Variants in ASAP1 observed in about 807,000 individuals in gnomAD.
ASAP1 encodes arf-GAP with SH3 domain, ANK repeat and PH domain-containing protein 1.
Under a neutral mutation model 145.2 loss-of-function variants are expected in ASAP1, and 43 were observed. The ratio of observed to expected loss-of-function variants is 0.30; its 90% CI spans 0.23 to 0.38. The LOEUF (loss-of-function observed/expected upper bound fraction) is 0.38, where lower values mean the gene tolerates loss of function less well. ASAP1 is among the 10% of genes least tolerant of loss of function. ASAP1 has a pLI of 1.00. For missense variants in ASAP1, 1,018 were observed against 1,355.3 expected (o/e 0.75, Z 3.91); for synonymous variants, 546 against 515.5 (o/e 1.06, Z -0.80).
intron 8 of ASAP1, 40 bp from the exon 9 acceptor site, chr8:130,179,389 G>T: frequency 7.8e-7 from 1 of 1,288,240 alleles, no homozygotes; most frequent in Non-Finnish European, 1.1e-6. Context: ...ATTAATTCCA[G>T]ATGGGGCTCT....
At position 130,145,508 on chromosome 8, in the gene ASAP1, G is replaced by A. The variant is rs141895226; in HGVS notation, c.1080+7228C>T. 6.7e-4 allele frequency among the ~76,000 whole-genome samples: 102 copies of A among 152,120 alleles called. 1 individual carries two copies. Among genetic ancestry groups the A allele is most frequent in the African/African-American group, 2.3e-3 (94 of 41,490 alleles). ...ACTTTTCTGTATTTTTAGTAGAGAC[G>A]GGGTTTCACCATGTTGGCCAGGCTG... On this transcript the variant is annotated intron_variant, in intron 13 of 29. Coordinates refer to ENST00000518721, the MANE Select transcript of ASAP1 (RefSeq NM_018482.4).
At chr8:130,100,893 C>G (rs1214895251) in intron 24 of ASAP1, among the ~76,000 whole-genome samples, 2 of 152,282 alleles carry the variant, frequency 1.3e-5, no homozygotes, top group South Asian at 4.1e-4. Flanking sequence ...ATGTGCTACA[C>G]ATACAATTTT....
At chr8:130,442,792 AC>A (rs1830530504) in intron 1 of ASAP1, among the ~76,000 whole-genome samples, 1 of 152,066 alleles carries the variant, frequency 6.6e-6, no homozygotes, top group South Asian at 2.1e-4. Context: ...ACCGCAGAAA[AC>A]CGGACACCGG....
intron 1 of ASAP1, among the ~76,000 whole-genome samples, chr8:130,433,369 C>A (rs1206223039): frequency 6.6e-6 from 1 of 152,228 alleles, no homozygotes; most frequent in African/African-American, 2.4e-5. Flanking sequence ...TCTCTCCTCA[C>A]TTAGGGAAAT....
intron 3 of ASAP1, among the ~76,000 whole-genome samples, chr8:130,276,760 T>TCTCTCTCTCTCCCC (rs1333515760): frequency 7.7e-6 from 1 of 130,326 alleles, no homozygotes; most frequent in Non-Finnish European, 1.6e-5. Context: ...TCTCTCTCTC[T>TCTCTCTCTCTCCCC]CCTCTAACAA....
At chr8:130,098,504 C>A (rs80255221) in intron 24 of ASAP1, among the ~76,000 whole-genome samples, 1 of 151,972 alleles carries the variant, frequency 6.6e-6, no homozygotes, top group Non-Finnish European at 1.5e-5. Context: ...CCACCACGCC[C>A]GGCTAATTTT....
chr8:130,397,506 T>C (rs72724497), intron 2 of ASAP1, among the ~76,000 whole-genome samples: 13,011 of 152,292 alleles, frequency 0.085, 623 homozygotes, highest in African/African-American at 0.14. Context: ...TCTGCTCCTG[T>C]GATTCCCTTG....
intron 1 of ASAP1, among the ~76,000 whole-genome samples, chr8:130,434,010 GC>G (rs1830223432): frequency 6.6e-6 from 1 of 152,148 alleles, no homozygotes. Context: ...AGATCGCCTT[GC>G]TTAAAATCTT....
chr8:130,272,347 A>G (rs1396257235), intron 3 of ASAP1, among the ~76,000 whole-genome samples: 6 of 152,268 alleles, frequency 3.9e-5, no homozygotes, highest in South Asian at 2.1e-4. Context: ...CAAAACCCCT[A>G]TGTTGGCGAG....
intron 25 of ASAP1, among the ~76,000 whole-genome samples, chr8:130,088,100 T>A (rs2097497610): frequency 6.6e-6 from 1 of 152,210 alleles, no homozygotes; most frequent in Non-Finnish European, 1.5e-5. Flanking sequence ...AGGGTCTTTG[T>A]AAATATAATT....
chr8:130,080,476 CTCTTTT>C (rs1564936195), intron 25 of ASAP1, among the ~76,000 whole-genome samples: 6 of 138,696 alleles, frequency 4.3e-5, no homozygotes, highest in Admixed American at 1.4e-4. Flanking sequence ...TTCATTCTCT[CTCTTTT>C]TTTTTTTTTT....
chr8:130,218,886 T>A (rs1817105741), intron 4 of ASAP1, among the ~76,000 whole-genome samples: 1 of 152,102 alleles, frequency 6.6e-6, no homozygotes. Flanking sequence ...TATGTATGTG[T>A]GTATATACTG....
chr8:130,120,525 C>T (rs2097564129), intron 18 of ASAP1, among the ~76,000 whole-genome samples: 2 of 152,192 alleles, frequency 1.3e-5, no homozygotes, highest in Admixed American at 6.5e-5. Flanking sequence ...AAGCTTCCTT[C>T]CCATTATTAT....
intron 1 of ASAP1, among the ~76,000 whole-genome samples, chr8:130,430,382 A>T (rs1192910375): frequency 6.6e-6 from 1 of 152,162 alleles, no homozygotes; most frequent in East Asian, 1.9e-4. Flanking sequence ...ATCCCTCAGT[A>T]AGGCAAGTTA....
At position 130,092,089 on chromosome 8, in the gene ASAP1, C is replaced by T; in HGVS notation, c.2456G>A (p.Ser819Asn). The T allele has an allele frequency of 6.4e-7, 1 of 1,570,980 alleles. No homozygotes were observed. Among genetic ancestry groups the T allele is most frequent in the African/African-American group, 1.4e-5 (1 of 71,228 alleles). ...AGGCCTCTTCTTGGATAGGGTGGAG[C>T]TGCCACTAGAGGTCTGGGTGCTTAG... ...LPLSTQTSSG[S>N]STLSKKRPPP... Residue 819 changes from serine to asparagine, a missense_variant, in exon 25 of 30, where the codon AGC becomes AAC. This residue lies in a region of ASAP1 where 353 missense variants were observed against 375.4 expected (regional missense o/e 0.94). Transcript: ENST00000518721.
chr8:130,097,816 C>T (rs1005816978), intron 24 of ASAP1, among the ~76,000 whole-genome samples: 3 of 152,152 alleles, frequency 2.0e-5, no homozygotes, highest in East Asian at 1.9e-4. Context: ...TATGGGAAAT[C>T]GATATATTCT....
chr8:130,299,293 A>T (rs1822478112), intron 3 of ASAP1, among the ~76,000 whole-genome samples: 1 of 152,102 alleles, frequency 6.6e-6, no homozygotes, highest in Non-Finnish European at 1.5e-5. Context: ...TGAAAAAAAC[A>T]GTTACTTATG....
intron 3 of ASAP1, among the ~76,000 whole-genome samples, chr8:130,276,760 T>TCCCC (rs1554867226): frequency 1.1e-4 from 14 of 130,326 alleles, no homozygotes; most frequent in Non-Finnish European, 1.5e-4. Flanking sequence ...TCTCTCTCTC[T>TCCCC]CCTCTAACAA....
intron 27 of ASAP1, among the ~76,000 whole-genome samples, chr8:130,073,334 G>A (rs571042168): frequency 8.4e-4 from 127 of 151,418 alleles, no homozygotes; most frequent in Non-Finnish European, 1.5e-3. Flanking sequence ...AGGTTGCGGG[G>A]AGCTGAGATC....
Sources: gnomAD v4.1 joint callset for allele counts (sites outside exome capture counted in the v4.1 genomes callset) on GRCh38, gnomAD v4.1.1 for gene constraint, gnomAD v4.1.1 regional missense constraint, MANE v1.5 for transcripts, NCBI Gene and HGNC (gene_info 2026-07-23, HGNC 2026-07-21) for gene names.